TMEM117: variants seen among roughly 807,000 people sequenced by gnomAD.
TMEM117 encodes transmembrane protein 117.
A neutral mutation model predicts 52.4 loss-of-function variants in TMEM117; 27 were observed. The ratio of observed to expected loss-of-function variants is 0.51; its 90% CI spans 0.38 to 0.71. The LOEUF (loss-of-function observed/expected upper bound fraction) is 0.71, where lower values mean the gene tolerates loss of function less well. TMEM117 is among the 30% of genes least tolerant of loss of function. The pLI is 0.00. For synonymous variants in TMEM117, 215 were observed against 206.3 expected (o/e 1.04, Z -0.36); for missense variants, 556 against 630.5 (o/e 0.88, Z 1.26).
rs1943168403 is a variant in TMEM117 at position 43,844,617 on chromosome 12, T to C, written c.-28-7T>C. 1 of 1,595,772 alleles carries C rather than the reference T, an allele frequency of 6.3e-7. No individual in the cohort carries two copies. Among genetic ancestry groups the C allele is most frequent in the South Asian group, 1.1e-5 (1 of 87,180 alleles). ...TCCTCTAACCCTATCTATCTTTTCT[T>C]ATACAGGTAAACTACGAACTGGGAG... On this transcript the variant is annotated splice_region_variant and splice_polypyrimidine_tract_variant and intron_variant, in intron 1 of 7. Coordinates refer to ENST00000266534, the MANE Select transcript of TMEM117 (RefSeq NM_032256.3).
the TMEM117 span, among the ~76,000 whole-genome samples, chr12:43,821,711 C>T: frequency 6.6e-6 from 1 of 152,160 alleles, no homozygotes; most frequent in Non-Finnish European, 1.5e-5. Context: ...TACAAATCAG[C>T]AGTGGCAGAG....
chr12:43,863,543 C>T (rs1007649627), intron 2 of TMEM117, among the ~76,000 whole-genome samples: 43 of 152,200 alleles, frequency 2.8e-4, no homozygotes, highest in African/African-American at 9.9e-4. Context: ...GCATGGAGTT[C>T]AGGGCTGACA....
intron 3 of TMEM117, among the ~76,000 whole-genome samples, chr12:44,060,058 A>G (rs1701090): frequency 0.011 from 1,602 of 152,364 alleles, 28 homozygotes; most frequent in African/African-American, 0.037. Context: ...ATTTCCAAAT[A>G]TGAGAAATAT....
intron 6 of TMEM117, among the ~76,000 whole-genome samples, chr12:44,362,974 TC>T (rs1951742369): frequency 6.6e-6 from 1 of 152,088 alleles, no homozygotes; most frequent in African/African-American, 2.4e-5. Context: ...ATCCTCAGCC[TC>T]CCGAGTAGCT....
intron 5 of TMEM117, among the ~76,000 whole-genome samples, chr12:44,239,153 A>AT: frequency 6.6e-6 from 1 of 152,152 alleles, no homozygotes. Context: ...CCGCTTTGTG[A>AT]TTTTGTCTTT....
intron 5 of TMEM117, among the ~76,000 whole-genome samples, chr12:44,262,715 T>C (rs749278810): frequency 6.6e-6 from 1 of 152,174 alleles, no homozygotes; most frequent in Non-Finnish European, 1.5e-5. Context: ...GCCTCCTGAG[T>C]AGCTGGGATT....
intron 3 of TMEM117, among the ~76,000 whole-genome samples, chr12:44,042,332 TA>T (rs1435534221): frequency 6.7e-6 from 1 of 149,654 alleles, no homozygotes; most frequent in Non-Finnish European, 1.5e-5. Context: ...CTTATTTATT[TA>T]AAAAAACTTA....
intron 5 of TMEM117, among the ~76,000 whole-genome samples, chr12:44,284,167 G>A (rs1950610574): frequency 6.6e-6 from 1 of 152,098 alleles, no homozygotes; most frequent in African/African-American, 2.4e-5. Flanking sequence ...ACAAAAATTA[G>A]CTGGGCATGG....
intron 3 of TMEM117, among the ~76,000 whole-genome samples, chr12:44,033,823 G>C (rs1368685663): frequency 6.6e-6 from 1 of 152,192 alleles, no homozygotes; most frequent in Non-Finnish European, 1.5e-5. Context: ...ATTGGAGATG[G>C]ATAGTGGACT....
intron 2 of TMEM117, among the ~76,000 whole-genome samples, chr12:43,912,153 A>T (rs906802443): frequency 6.7e-6 from 1 of 150,364 alleles, no homozygotes; most frequent in African/African-American, 2.4e-5. Flanking sequence ...TACACCATGG[A>T]ATACTATGCA....
chr12:44,065,620 T>C (rs1254625405), intron 3 of TMEM117, among the ~76,000 whole-genome samples: 1 of 152,144 alleles, frequency 6.6e-6, no homozygotes, highest in Non-Finnish European at 1.5e-5. Flanking sequence ...CTCCACCAAA[T>C]CACAAATTTT....
At chr12:44,260,996 A>T (rs1184441978) in intron 5 of TMEM117, among the ~76,000 whole-genome samples, 3 of 152,256 alleles carry the variant, frequency 2.0e-5, no homozygotes, top group Admixed American at 6.5e-5. Flanking sequence ...CTATTAACTG[A>T]TAACTATGTC....
At chr12:43,837,591 C>G (rs1326814272) in intron 1 of TMEM117, among the ~76,000 whole-genome samples, 1 of 152,156 alleles carries the variant, frequency 6.6e-6, no homozygotes, top group East Asian at 1.9e-4. Flanking sequence ...GTGATCCGCC[C>G]GCCTTGGCCT....
At chr12:44,078,376 A>T (rs1293377819) in intron 3 of TMEM117, among the ~76,000 whole-genome samples, 3 of 152,244 alleles carry the variant, frequency 2.0e-5, no homozygotes, top group Admixed American at 1.3e-4. Context: ...CAAGCAACAT[A>T]CATGACACAG....
chr12:43,797,186 C>G, the TMEM117 span: 3 of 1,480,758 alleles, frequency 2.0e-6, no homozygotes, highest in Middle Eastern at 2.0e-4. Flanking sequence ...AAAACAAGTA[C>G]AGAAACTTCA....
At chr12:44,106,053 C>T (rs1301357577) in intron 3 of TMEM117, among the ~76,000 whole-genome samples, 1 of 152,016 alleles carries the variant, frequency 6.6e-6, no homozygotes, top group African/African-American at 2.4e-5. Flanking sequence ...TTTTTCTGTC[C>T]TGGCACTGGT....
chr12:43,883,853 G>A (rs145561283), intron 2 of TMEM117, among the ~76,000 whole-genome samples: 9 of 152,116 alleles, frequency 5.9e-5, no homozygotes, highest in South Asian at 2.1e-4. Context: ...AGAGTGGCCT[G>A]TAGCCAGGCA....
At chr12:44,306,178 G>A (rs1017743975) in intron 6 of TMEM117, among the ~76,000 whole-genome samples, 8 of 152,098 alleles carry the variant, frequency 5.3e-5, no homozygotes, top group African/African-American at 1.9e-4. Flanking sequence ...CAGGTACTAT[G>A]CTCTCTCCTG....
At chr12:44,220,620 T>C (rs1399383244) in intron 5 of TMEM117, among the ~76,000 whole-genome samples, 1 of 152,114 alleles carries the variant, frequency 6.6e-6, no homozygotes, top group African/African-American at 2.4e-5. Context: ...GTCTCTGACA[T>C]CATTCTCCAA....
Sources: gnomAD v4.1 joint callset for allele counts (sites outside exome capture counted in the v4.1 genomes callset) on GRCh38, gnomAD v4.1.1 for gene constraint, MANE v1.5 for transcripts, NCBI Gene and HGNC (gene_info 2026-07-23, HGNC 2026-07-21) for gene names.